The following PCDH7 variants were observed in gnomAD, a reference collection of about 807,000 sequenced individuals.
PCDH7 encodes the protein protocadherin-7.
Under a neutral mutation model 58.9 loss-of-function variants are expected in PCDH7, and 17 were observed. That is an observed-to-expected ratio of 0.29 (90% confidence interval 0.20 to 0.43). PCDH7 has a LOEUF of 0.43. Among genes scored for constraint, PCDH7 ranks in the 20% least tolerant of loss-of-function variants. The probability of loss-of-function intolerance (pLI) is 1.00; values close to 1 mark genes in which losing one functional copy is unlikely to be tolerated. For missense variants in PCDH7, 1,274 were observed against 1,441.0 expected (o/e 0.88, Z 1.88); for synonymous variants, 664 against 616.4 (o/e 1.08, Z -1.14).
chr4:31,056,363 G>A lies in PCDH7; in HGVS notation c.*8-86110G>A, dbSNP rs571148571. 3.4e-5 allele frequency among the ~76,000 whole-genome samples: 5 copies of A among 147,702 alleles called. No homozygotes were observed. In the South Asian group the frequency reaches 1.1e-3, roughly 32 times the overall value. ...AGCATACGTGACAGAGAGAGACCCT[G>A]ACAGGAAAGGAAGAAAGAAAGAAGG... On this transcript the variant is annotated intron_variant, in intron 3 of 3. Coordinates refer to the PCDH7 transcript ENST00000509759.
At chr4:31,098,730 A>G (rs1331007855) in intron 3 of PCDH7, among the ~76,000 whole-genome samples, 3 of 152,216 alleles carry the variant, frequency 2.0e-5, no homozygotes, top group Admixed American at 6.5e-5. Flanking sequence ...GATTAACTAG[A>G]TATGTACAGT....
chr4:30,926,859 G>C (rs1290212347), intron 2 of PCDH7, among the ~76,000 whole-genome samples: 1 of 152,128 alleles, frequency 6.6e-6, no homozygotes, highest in Non-Finnish European at 1.5e-5. Context: ...CCTTTAAAGT[G>C]CTGCAAATTA....
At chr4:31,020,205 C>T (rs1753918130) in intron 3 of PCDH7, among the ~76,000 whole-genome samples, 1 of 152,202 alleles carries the variant, frequency 6.6e-6, no homozygotes, top group African/African-American at 2.4e-5. Flanking sequence ...TGGCATTCCT[C>T]AGAAAATCCC....
chr4:30,902,913 A>G (rs12643430), intron 1 of PCDH7, among the ~76,000 whole-genome samples: 29,693 of 151,956 alleles, frequency 0.2, 3,633 homozygotes, highest in East Asian at 0.29. Context: ...AATTCAAACC[A>G]TTTTTCTCAA....
chr4:31,064,558 T>G (rs1420757923), intron 3 of PCDH7, among the ~76,000 whole-genome samples: 1 of 151,960 alleles, frequency 6.6e-6, no homozygotes, highest in Non-Finnish European at 1.5e-5. Context: ...GCCTCTAAAG[T>G]AGAACCTTTC....
At chr4:31,089,647 A>G (rs1022309995) in intron 3 of PCDH7, among the ~76,000 whole-genome samples, 2 of 152,100 alleles carry the variant, frequency 1.3e-5, no homozygotes, top group African/African-American at 4.8e-5. Context: ...GAATAGTGAC[A>G]TATTTACGTA....
intron 1 of PCDH7, among the ~76,000 whole-genome samples, chr4:30,823,470 C>A (rs1484549362): frequency 5.3e-5 from 8 of 152,100 alleles, no homozygotes; most frequent in Non-Finnish European, 1.0e-4. Flanking sequence ...TTCTGCTAGA[C>A]CTGTCCTTAC....
chr4:31,096,120 T>G (rs142006771), intron 3 of PCDH7, among the ~76,000 whole-genome samples: 1 of 152,172 alleles, frequency 6.6e-6, no homozygotes, highest in Admixed American at 6.5e-5. Context: ...CACAGGCATA[T>G]CATATGTGCA....
intron 3 of PCDH7, among the ~76,000 whole-genome samples, chr4:31,110,424 G>T (rs912772166): frequency 2.6e-5 from 4 of 152,152 alleles, no homozygotes; most frequent in East Asian, 1.9e-4. Flanking sequence ...ACAATGCAAA[G>T]ATTTTATTTG....
At chr4:30,847,475 A>C (rs934759624) in intron 1 of PCDH7, among the ~76,000 whole-genome samples, 1 of 152,190 alleles carries the variant, frequency 6.6e-6, no homozygotes, top group African/African-American at 2.4e-5. Flanking sequence ...ATCCACATGC[A>C]TTAATGTCTG....
intron 3 of PCDH7, among the ~76,000 whole-genome samples, chr4:31,117,405 C>T (rs746293041): frequency 6.6e-6 from 1 of 151,958 alleles, no homozygotes; most frequent in Non-Finnish European, 1.5e-5. Context: ...TTGAGTAACA[C>T]GTTCAAGACT....
intron 1 of PCDH7, among the ~76,000 whole-genome samples, chr4:30,863,063 G>A (rs958192308): frequency 6.6e-6 from 1 of 152,122 alleles, no homozygotes; most frequent in Admixed American, 6.6e-5. Context: ...ACCAATAAAT[G>A]TGTTCCCTTT....
intron 3 of PCDH7, among the ~76,000 whole-genome samples, chr4:30,974,490 G>T (rs1195320020): frequency 2.0e-5 from 3 of 151,760 alleles, no homozygotes; most frequent in South Asian, 2.1e-4. Flanking sequence ...CACCACACAA[G>T]CCTCTCATTT....
intron 1 of PCDH7, among the ~76,000 whole-genome samples, chr4:30,916,458 A>C (rs185166852): frequency 1.3e-5 from 2 of 152,102 alleles, no homozygotes; most frequent in African/African-American, 4.8e-5. Context: ...TTTCTTTAAG[A>C]TCTCTGTCTT....
intron 3 of PCDH7, among the ~76,000 whole-genome samples, chr4:31,020,658 C>T (rs1210891710): frequency 6.6e-6 from 1 of 152,178 alleles, no homozygotes; most frequent in Non-Finnish European, 1.5e-5. Flanking sequence ...GATTCAGAAA[C>T]TAAACACTTT....
chr4:31,079,157 C>T (rs1759258601), intron 3 of PCDH7, among the ~76,000 whole-genome samples: 1 of 150,122 alleles, frequency 6.7e-6, no homozygotes, highest in Admixed American at 6.7e-5. Context: ...TTTTCTTTTG[C>T]CAAACAAGAC....
chr4:30,814,763 A>G (rs1269077845), intron 1 of PCDH7, among the ~76,000 whole-genome samples: 1 of 152,140 alleles, frequency 6.6e-6, no homozygotes, highest in African/African-American at 2.4e-5. Flanking sequence ...TTAATTAAAG[A>G]TATTCTTTAG....
chr4:31,111,480 T>G (rs1716311328), intron 3 of PCDH7, among the ~76,000 whole-genome samples: 1 of 152,088 alleles, frequency 6.6e-6, no homozygotes, highest in Non-Finnish European at 1.5e-5. Context: ...AGATGATTTT[T>G]TGTATTTTTA....
chr4:30,875,588 T>G (rs897285350), intron 1 of PCDH7, among the ~76,000 whole-genome samples: 2 of 152,062 alleles, frequency 1.3e-5, no homozygotes, highest in Non-Finnish European at 2.9e-5. Flanking sequence ...TCAAGAGTAT[T>G]TAGTTACCTC....
Sources: allele counts gnomAD v4.1 joint callset (sites outside exome capture counted in the v4.1 genomes callset), GRCh38; gene constraint gnomAD v4.1.1; transcripts MANE v1.5; gene names NCBI Gene and HGNC (gene_info 2026-07-23, HGNC 2026-07-21).